NEGR1: variants seen among roughly 807,000 people sequenced by gnomAD.
NEGR1 encodes the protein IgLON family member 4.
NEGR1 carries 10 observed loss-of-function variants against 40.9 expected under a neutral mutation model. The ratio of observed to expected loss-of-function variants is 0.24; its 90% confidence interval spans 0.15 to 0.42. The LOEUF is 0.42. NEGR1 is among the 10% of genes least tolerant of loss of function. The probability of loss-of-function intolerance (pLI) is 1.00; values close to 1 mark genes in which losing one functional copy is unlikely to be tolerated. For missense variants in NEGR1, 352 were observed against 438.9 expected (o/e 0.80, Z 1.77); for synonymous variants, 185 against 166.8 (o/e 1.11, Z -0.84).
intron 1 of NEGR1, among the ~76,000 whole-genome samples, chr1:72,213,384 T>A (rs1653681636): frequency 6.6e-6 from 1 of 151,952 alleles, no homozygotes; most frequent in South Asian, 2.1e-4. Flanking sequence ...CTCAACAAAT[T>A]CCACATGGAT....
chr1:72,231,421 G>C (rs1195658057), intron 1 of NEGR1, among the ~76,000 whole-genome samples: 1 of 152,146 alleles, frequency 6.6e-6, no homozygotes, highest in Non-Finnish European at 1.5e-5. Flanking sequence ...AAGTGACATT[G>C]TTTTGTATCA....
intron 6 of NEGR1, among the ~76,000 whole-genome samples, chr1:71,506,893 T>C (rs1213327982): frequency 6.6e-6 from 1 of 152,236 alleles, no homozygotes; most frequent in Non-Finnish European, 1.5e-5. Context: ...AATTACCTAA[T>C]GGCTAGTCAG....
chr1:71,482,354 AC>A (rs1646859249), intron 6 of NEGR1, among the ~76,000 whole-genome samples: 1 of 151,844 alleles, frequency 6.6e-6, no homozygotes, highest in Admixed American at 6.6e-5. Context: ...CAAAAAAAGC[AC>A]CTGCCACAGA....
intron 1 of NEGR1, among the ~76,000 whole-genome samples, chr1:72,257,222 T>C (rs1383949044): frequency 6.9e-6 from 1 of 144,788 alleles, no homozygotes; most frequent in Non-Finnish European, 1.5e-5. Flanking sequence ...CTTGGGAGGC[T>C]GAGGCAGGAG....
At chr1:72,048,824 C>A (rs1010954397) in intron 1 of NEGR1, among the ~76,000 whole-genome samples, 1 of 150,944 alleles carries the variant, frequency 6.6e-6, no homozygotes, top group Non-Finnish European at 1.5e-5. Context: ...ATTAACTGGA[C>A]ATTTTTTTTT....
chr1:71,594,644 T>C (rs1162682802), intron 5 of NEGR1, among the ~76,000 whole-genome samples: 3 of 152,248 alleles, frequency 2.0e-5, no homozygotes, highest in African/African-American at 7.2e-5. Flanking sequence ...TAAAATATCA[T>C]GGATATGGCA....
chr1:71,561,068 C>T (rs1648442029), intron 6 of NEGR1, among the ~76,000 whole-genome samples: 1 of 151,394 alleles, frequency 6.6e-6, no homozygotes, highest in South Asian at 2.1e-4. Flanking sequence ...ATATGATGTA[C>T]ATAAAGTCCA....
In NEGR1 at chr1:71,405,517, T is replaced by A. The variant is rs1463853780; in HGVS notation, c.*1929A>T. 6.6e-6 allele frequency: 1 copy of A among 152,148 alleles called. No individual in the cohort carries two copies. The highest frequency in any genetic ancestry group is 1.5e-5 in the Non-Finnish European group (1 of 67,780). The allele number at this position is 152,148 out of a possible 1,614,324, so 9.4% of individuals were successfully genotyped here. A position where few individuals can be genotyped will look rare whatever the true frequency, so the allele number is the denominator to read the frequency against. On this transcript the variant is annotated 3_prime_UTR_variant, in exon 7 of 7. Transcript: ENST00000357731. ...CCATATTTGTTCTAAAAACTCTTTTTTAATGTATCAATCAAAATAATGTCA... is the reference window on the plus strand; with the variant it reads ...CCATATTTGTTCTAAAAACTCTTTTATAATGTATCAATCAAAATAATGTCA...
In NEGR1 at chr1:71,899,215, C is replaced by G. The variant is rs191631248; in HGVS notation, c.409+35864G>C. ...TGTATTTTTCATTGGTTTCTGAGCT[C>G]CCTACACAGATATATAAGAATCCAG... On this transcript the variant is annotated intron_variant, in intron 2 of 6. Coordinates refer to ENST00000357731, the MANE Select transcript of NEGR1 (RefSeq NM_173808.3). Among the ~76,000 whole-genome samples the G allele has an allele frequency of 5.9e-3, 890 of 151,760 alleles. 5 individuals are homozygous for G. The highest frequency in any genetic ancestry group is 9.5e-3 in the Non-Finnish European group (643 of 67,914).
chr1:71,901,949 G>A lies in NEGR1; in HGVS notation c.409+33130C>T, dbSNP rs556335940. ...CTCCCAAAATGCTGAGATTACAGGCGTGAGCCACCACACCTGGCCAAGATA... is the reference window on the plus strand; with the variant it reads ...CTCCCAAAATGCTGAGATTACAGGCATGAGCCACCACACCTGGCCAAGATA... On this transcript the variant is annotated intron_variant, in intron 2 of 6. Transcript: ENST00000357731. 9.2e-5 allele frequency among the ~76,000 whole-genome samples: 14 copies of A among 152,098 alleles called. No individual in the cohort carries two copies. The South Asian group carries it at 1.5e-3, about 16-fold the overall frequency.
chr1:72,097,156 AG>A (rs1557524879), intron 1 of NEGR1, among the ~76,000 whole-genome samples: 1 of 152,218 alleles, frequency 6.6e-6, no homozygotes, highest in Non-Finnish European at 1.5e-5. Context: ...AATGATTAAA[AG>A]TAAAGGCTCC....
intron 6 of NEGR1, among the ~76,000 whole-genome samples, chr1:71,540,574 G>A (rs897992270): frequency 8.6e-5 from 13 of 151,708 alleles, no homozygotes; most frequent in African/African-American, 2.9e-4. Context: ...CTTAGCAAAA[G>A]ACCCTATGCT....
At chr1:71,936,511 C>T (rs1055492113) in intron 1 of NEGR1, among the ~76,000 whole-genome samples, 1 of 152,042 alleles carries the variant, frequency 6.6e-6, no homozygotes, top group Non-Finnish European at 1.5e-5. Context: ...GGCATAAAGG[C>T]CTTCTGAAAT....
intron 6 of NEGR1, among the ~76,000 whole-genome samples, chr1:71,416,418 A>T (rs1316191870): frequency 1.3e-5 from 2 of 152,148 alleles, no homozygotes; most frequent in African/African-American, 4.8e-5. Context: ...GAATTTCATA[A>T]GCTTTGATCA....
At chr1:71,464,296 C>T (rs945395802) in intron 6 of NEGR1, among the ~76,000 whole-genome samples, 1 of 151,972 alleles carries the variant, frequency 6.6e-6, no homozygotes, top group African/African-American at 2.4e-5. Context: ...GAGAATACGG[C>T]AAATCTGTTG....
At chr1:72,020,202 G>T (rs536094173) in intron 1 of NEGR1, among the ~76,000 whole-genome samples, 20 of 152,124 alleles carry the variant, frequency 1.3e-4, no homozygotes, top group Non-Finnish European at 1.9e-4. Flanking sequence ...GAAATTAAGG[G>T]TAACAAAATC....
chr1:71,740,240 C>T (rs1655173323), intron 3 of NEGR1, among the ~76,000 whole-genome samples: 1 of 152,156 alleles, frequency 6.6e-6, no homozygotes, highest in African/African-American at 2.4e-5. Flanking sequence ...CATTCTTCTC[C>T]ATTTCGGCCT....
intron 1 of NEGR1, among the ~76,000 whole-genome samples, chr1:72,276,466 G>T (rs779810811): frequency 1.4e-4 from 21 of 152,108 alleles, no homozygotes; most frequent in Non-Finnish European, 2.6e-4. Context: ...CACTGTTATT[G>T]AATCTCATCA....
At chr1:72,004,810 TC>T (rs1191558888) in intron 1 of NEGR1, among the ~76,000 whole-genome samples, 1 of 152,146 alleles carries the variant, frequency 6.6e-6, no homozygotes, top group African/African-American at 2.4e-5. Context: ...ATAATACATT[TC>T]AATATCCTGG....
Sources: allele counts gnomAD v4.1 joint callset (sites outside exome capture counted in the v4.1 genomes callset), GRCh38; gene constraint gnomAD v4.1.1; transcripts MANE v1.5; gene names NCBI Gene and HGNC (gene_info 2026-07-23, HGNC 2026-07-21).